DLGAP2: variants seen among roughly 807,000 people sequenced by gnomAD.
DLGAP2 encodes disks large-associated protein 2.
DLGAP2 carries 26 observed loss-of-function variants against 100.3 expected under a neutral mutation model. That is an observed-to-expected ratio of 0.26 (90% CI 0.19 to 0.36). DLGAP2 has a LOEUF of 0.36. Ranked by LOEUF, DLGAP2 falls within the 10% of genes least tolerant of loss-of-function variation. DLGAP2 has a pLI of 1.00. For synonymous variants in DLGAP2, 886 were observed against 630.1 expected (o/e 1.41, Z -6.08); for missense variants, 1,858 against 1,453.2 (o/e 1.28, Z -4.53).
chr8:1,534,596 C>T (rs983216592), intron 4 of DLGAP2, among the ~76,000 whole-genome samples: 1 of 152,182 alleles, frequency 6.6e-6, no homozygotes, highest in Non-Finnish European at 1.5e-5. Context: ...CATCTATGAG[C>T]AGTTTTTCTT....
intron 2 of DLGAP2, among the ~76,000 whole-genome samples, chr8:1,221,605 G>T (rs748787135): frequency 6.6e-6 from 1 of 151,994 alleles, no homozygotes; most frequent in Non-Finnish European, 1.5e-5. Context: ...TTATCTCTCA[G>T]GGGTTCTCTG....
At chr8:955,610 T>C (rs1051683089) in intron 2 of DLGAP2, among the ~76,000 whole-genome samples, 1 of 152,196 alleles carries the variant, frequency 6.6e-6, no homozygotes, top group East Asian at 1.9e-4. Flanking sequence ...TGGGATCTAC[T>C]ACTTGGAGTG....
At chr8:761,994 C>G (rs1272850232) in intron 1 of DLGAP2, among the ~76,000 whole-genome samples, 1 of 152,146 alleles carries the variant, frequency 6.6e-6, no homozygotes, top group African/African-American at 2.4e-5. Flanking sequence ...ACTGATGAAC[C>G]CGCCTCGGGT....
intron 8 of DLGAP2, among the ~76,000 whole-genome samples, chr8:1,662,872 GGT>G (rs1798442576): frequency 6.7e-6 from 1 of 150,314 alleles, no homozygotes; most frequent in Non-Finnish European, 1.5e-5. Context: ...GTGAGTGTGG[GGT>G]GTGTGCGCGT....
chr8:1,148,170 C>T (rs563649918), intron 2 of DLGAP2, among the ~76,000 whole-genome samples: 38 of 152,056 alleles, frequency 2.5e-4, no homozygotes, highest in Admixed American at 2.5e-3. Context: ...TTTTTTATTT[C>T]TTCTTGTGTC....
chr8:1,527,118 C>A (rs189721049), intron 4 of DLGAP2, among the ~76,000 whole-genome samples: 2,068 of 152,238 alleles, frequency 0.014, 53 homozygotes, highest in African/African-American at 0.047. Flanking sequence ...ATCGTCTACA[C>A]CGCGGGCTCA....
chr8:1,184,084 T>C (rs926446923), intron 2 of DLGAP2, among the ~76,000 whole-genome samples: 5 of 152,170 alleles, frequency 3.3e-5, no homozygotes, highest in Non-Finnish European at 7.4e-5. Context: ...TGTGTTTGCG[T>C]TGTGTTTGGG....
intron 3 of DLGAP2, among the ~76,000 whole-genome samples, chr8:1,329,756 C>T (rs748208923): frequency 6.6e-6 from 1 of 152,148 alleles, no homozygotes; most frequent in African/African-American, 2.4e-5. Flanking sequence ...GCATTAGCCC[C>T]GGCTGTACCT....
chr8:1,554,107 G>A (rs1406914724), intron 5 of DLGAP2, among the ~76,000 whole-genome samples: 2 of 152,044 alleles, frequency 1.3e-5, no homozygotes. Context: ...GGCCAAAATG[G>A]CAAAACCCTG....
Position 1,273,752 on chromosome 8 carries a change from A to G in DLGAP2, c.106+14869A>G, listed in dbSNP as rs928044214. On this transcript the variant is annotated intron_variant, in intron 3 of 14. Transcript: ENST00000637795. ...TCTAATGAATCAGGATATCTGCTGC[A>G]TGTTAAATTAAGATAAACTTGTTGT... Among the ~76,000 whole-genome samples, 8 of 152,258 alleles carry G rather than the reference A, an allele frequency of 5.3e-5. No individual in the cohort carries two copies. In the East Asian group the frequency reaches 1.5e-3, roughly 29 times the overall value.
chr8:1,204,095 C>A (rs1014489101), intron 2 of DLGAP2, among the ~76,000 whole-genome samples: 1 of 152,202 alleles, frequency 6.6e-6, no homozygotes, highest in Non-Finnish European at 1.5e-5. Context: ...TGGAGCGGGA[C>A]CTGAATTCTG....
intron 1 of DLGAP2, among the ~76,000 whole-genome samples, chr8:745,791 TAAGTA>T (rs1156992006): frequency 6.6e-6 from 1 of 152,194 alleles, no homozygotes; most frequent in Non-Finnish European, 1.5e-5. Context: ...CATACCATAT[TAAGTA>T]AAGAGAACGG....
intron 13 of DLGAP2, among the ~76,000 whole-genome samples, chr8:1,693,161 C>G (rs1799297856): frequency 6.9e-6 from 1 of 144,896 alleles, no homozygotes; most frequent in Non-Finnish European, 1.5e-5. Flanking sequence ...ATAACATTAA[C>G]TACATATTTT....
At chr8:1,087,391 T>C (rs553003111) in intron 2 of DLGAP2, among the ~76,000 whole-genome samples, 1 of 152,338 alleles carries the variant, frequency 6.6e-6, no homozygotes, top group Admixed American at 6.5e-5. Flanking sequence ...CAGAGTGTTG[T>C]CTATGCCTGG....
chr8:1,587,447 C>T (rs1191461839), intron 6 of DLGAP2, among the ~76,000 whole-genome samples: 1 of 152,074 alleles, frequency 6.6e-6, no homozygotes, highest in Admixed American at 6.6e-5. Flanking sequence ...GCTATTTCTT[C>T]TTTTGTTTTC....
intron 8 of DLGAP2, among the ~76,000 whole-genome samples, chr8:1,639,611 C>G (rs1797849176): frequency 1.3e-5 from 2 of 151,992 alleles, no homozygotes; most frequent in East Asian, 1.9e-4. Flanking sequence ...ATATTTGCAG[C>G]TGTAAAAATG....
At chr8:1,315,131 G>A (rs1800702465) in intron 3 of DLGAP2, among the ~76,000 whole-genome samples, 4 of 152,242 alleles carry the variant, frequency 2.6e-5, no homozygotes, top group Non-Finnish European at 1.5e-5. Flanking sequence ...AACATTTTGA[G>A]AAGAGTAAAG....
chr8:1,431,547 C>T (rs548162553), intron 3 of DLGAP2, among the ~76,000 whole-genome samples: 1 of 152,210 alleles, frequency 6.6e-6, no homozygotes, highest in Non-Finnish European at 1.5e-5. Flanking sequence ...CGCTCAGCAG[C>T]CGTTCATGCA....
At chr8:929,002 C>T (rs1462819067) in intron 2 of DLGAP2, among the ~76,000 whole-genome samples, 1 of 133,494 alleles carries the variant, frequency 7.5e-6, no homozygotes, top group Non-Finnish European at 1.6e-5. Flanking sequence ...ATCCCAGACC[C>T]CCCACCATTC....
Sources: allele counts gnomAD v4.1 joint callset (sites outside exome capture counted in the v4.1 genomes callset), GRCh38; gene constraint gnomAD v4.1.1; transcripts MANE v1.5; gene names NCBI Gene and HGNC (gene_info 2026-07-23, HGNC 2026-07-21).